MCTP1: variants seen among roughly 807,000 people sequenced by gnomAD.
The protein encoded by MCTP1 is multiple C2 and transmembrane domain containing 1, also known as multiple C2 and transmembrane domain-containing protein 1.
A neutral mutation model predicts 120.6 loss-of-function variants in MCTP1; 69 were observed. The ratio of observed to expected loss-of-function variants is 0.57; its 90% CI spans 0.47 to 0.70. MCTP1 has a LOEUF of 0.70. Ranked by LOEUF, MCTP1 falls within the 30% of genes least tolerant of loss-of-function variation. The probability of loss-of-function intolerance (pLI) is 0.00; values close to 1 mark genes in which losing one functional copy is unlikely to be tolerated. For missense variants in MCTP1, 1,203 were observed against 1,248.8 expected (o/e 0.96, Z 0.55); for synonymous variants, 529 against 493.1 (o/e 1.07, Z -0.96).
At chr5:94,833,060 A>C (rs571455248) in intron 17 of MCTP1, among the ~76,000 whole-genome samples, 2 of 152,316 alleles carry the variant, frequency 1.3e-5, no homozygotes, top group East Asian at 3.9e-4. Flanking sequence ...AGAGTTATAA[A>C]TATCTTTCAG....
At chr5:94,879,003 A>G (rs575815495) in intron 12 of MCTP1, among the ~76,000 whole-genome samples, 2 of 152,080 alleles carry the variant, frequency 1.3e-5, no homozygotes, top group South Asian at 4.2e-4. Context: ...AAGTGGAGAA[A>G]AGTAGAGAAA....
intron 17 of MCTP1, among the ~76,000 whole-genome samples, chr5:94,866,782 A>G (rs893711347): frequency 6.6e-6 from 1 of 151,848 alleles, no homozygotes; most frequent in African/African-American, 2.4e-5. Flanking sequence ...AATTGCAAAA[A>G]AAAGGCTGCC....
At position 94,870,990 on chromosome 5, in the gene MCTP1, T is replaced by G; in HGVS notation, c.2140-17A>C. On this transcript the variant is annotated splice_polypyrimidine_tract_variant and intron_variant, in intron 14 of 22. Coordinates refer to ENST00000515393, the MANE Select transcript of MCTP1 (RefSeq NM_024717.7). ...ATTTTGAATCTGCGGGAAAAGGACATGACAGCCGTCTGTCTCGCGGTCTCT... is the reference window on the plus strand; with the variant it reads ...ATTTTGAATCTGCGGGAAAAGGACAGGACAGCCGTCTGTCTCGCGGTCTCT... The G allele has an allele frequency of 6.3e-7, 1 of 1,599,744 alleles. No homozygotes were observed. The highest frequency in any genetic ancestry group is 8.6e-7 in the Non-Finnish European group (1 of 1,167,466).
Position 95,031,545 on chromosome 5 carries a change from C to A in MCTP1, c.721-14061G>T, listed in dbSNP as rs190115203. Reference sequence around the variant, plus strand: ...ACGTCCTCCTAAAAAAATTAAGTTTCATAAACAAAGGAGAAATAAAGTCTT... The same window carrying A: ...ACGTCCTCCTAAAAAAATTAAGTTTAATAAACAAAGGAGAAATAAAGTCTT... On this transcript the variant is annotated intron_variant, in intron 1 of 22. Transcript: ENST00000515393. Among the ~76,000 whole-genome samples the A allele has an allele frequency of 3.3e-5, 5 of 152,216 alleles. No homozygotes were observed. In the South Asian group the frequency reaches 6.2e-4, roughly 19 times the overall value.
At chr5:95,128,735 G>T (rs1036133017) in intron 1 of MCTP1, among the ~76,000 whole-genome samples, 4 of 152,202 alleles carry the variant, frequency 2.6e-5, no homozygotes, top group South Asian at 2.1e-4. Context: ...TTGGGTGAAT[G>T]AAAACATTCT....
At chr5:94,812,653 A>G (rs1339630620) in intron 17 of MCTP1, among the ~76,000 whole-genome samples, 2 of 151,916 alleles carry the variant, frequency 1.3e-5, no homozygotes, top group East Asian at 1.9e-4. Flanking sequence ...AGTCTTAGCT[A>G]CTTAGGAGGC....
chr5:95,252,062 G>GT (rs1757434623), intron 1 of MCTP1, among the ~76,000 whole-genome samples: 2 of 151,996 alleles, frequency 1.3e-5, no homozygotes, highest in Admixed American at 6.6e-5. Context: ...GAAAGAAATC[G>GT]TACCCTTTTT....
At chr5:95,213,424 A>G (rs1357738859) in intron 1 of MCTP1, among the ~76,000 whole-genome samples, 2 of 152,246 alleles carry the variant, frequency 1.3e-5, no homozygotes, top group Non-Finnish European at 2.9e-5. Context: ...ATATCGTGAA[A>G]ATGGCCATAC....
chr5:94,916,000 A>T (rs1809960339), intron 8 of MCTP1, among the ~76,000 whole-genome samples: 1 of 152,182 alleles, frequency 6.6e-6, no homozygotes, highest in African/African-American at 2.4e-5. Flanking sequence ...GGACCTGCAC[A>T]TAAGGCTAAG....
At chr5:94,856,029 A>C (rs1241858774) in intron 17 of MCTP1, among the ~76,000 whole-genome samples, 3 of 151,770 alleles carry the variant, frequency 2.0e-5, no homozygotes, top group Non-Finnish European at 3.0e-5. Context: ...TGAGAATCAA[A>C]TACATTTAGG....
intron 19 of MCTP1, among the ~76,000 whole-genome samples, chr5:94,745,523 C>T (rs1051255240): frequency 4.6e-5 from 7 of 151,984 alleles, no homozygotes; most frequent in South Asian, 2.1e-4. Context: ...GGCAGTTAGG[C>T]GATATGAAAG....
chr5:94,740,908 T>G (rs1226425529), intron 19 of MCTP1, among the ~76,000 whole-genome samples: 3 of 152,160 alleles, frequency 2.0e-5, no homozygotes, highest in African/African-American at 7.2e-5. Flanking sequence ...GAAGACTTCC[T>G]GGAGAAGGTG....
chr5:95,174,104 C>A (rs1282074186), intron 1 of MCTP1, among the ~76,000 whole-genome samples: 1 of 152,134 alleles, frequency 6.6e-6, no homozygotes, highest in Admixed American at 6.5e-5. Flanking sequence ...ACTGCTATTA[C>A]CTCTAGCACA....
At chr5:95,150,259 TCTTTA>T (rs530974807) in intron 1 of MCTP1, among the ~76,000 whole-genome samples, 4 of 152,376 alleles carry the variant, frequency 2.6e-5, no homozygotes, top group Non-Finnish European at 2.9e-5. Flanking sequence ...GTTATAAGCA[TCTTTA>T]CTTTATTCAC....
At chr5:94,958,940 T>C (rs1823409531) in intron 2 of MCTP1, among the ~76,000 whole-genome samples, 1 of 152,136 alleles carries the variant, frequency 6.6e-6, no homozygotes, top group Non-Finnish European at 1.5e-5. Flanking sequence ...ATCATCCTGA[T>C]ACCAAAACCT....
chr5:95,227,541 C>G (rs1283421273), intron 1 of MCTP1, among the ~76,000 whole-genome samples: 1 of 152,158 alleles, frequency 6.6e-6, no homozygotes, highest in Non-Finnish European at 1.5e-5. Context: ...CTGAGACAGA[C>G]TTGGTATTAG....
At chr5:95,096,114 T>G (rs1257649687) in intron 1 of MCTP1, among the ~76,000 whole-genome samples, 4 of 152,184 alleles carry the variant, frequency 2.6e-5, no homozygotes, top group African/African-American at 9.7e-5. Context: ...AAGTGCCAAA[T>G]TCAGCCAAAC....
intron 17 of MCTP1, among the ~76,000 whole-genome samples, chr5:94,840,720 AGT>A (rs1186449640): frequency 1.3e-5 from 2 of 152,206 alleles, no homozygotes; most frequent in Non-Finnish European, 2.9e-5. Context: ...CCTAAAATGG[AGT>A]TCTACCATGA....
intron 1 of MCTP1, among the ~76,000 whole-genome samples, chr5:95,129,424 T>A (rs1297133485): frequency 2.0e-5 from 3 of 152,212 alleles, no homozygotes; most frequent in African/African-American, 7.2e-5. Flanking sequence ...AAAGGGCACA[T>A]AGCAGAGCAT....
Sources: gnomAD v4.1 joint callset for allele counts (sites outside exome capture counted in the v4.1 genomes callset) on GRCh38, gnomAD v4.1.1 for gene constraint, MANE v1.5 for transcripts, NCBI Gene and HGNC (gene_info 2026-07-23, HGNC 2026-07-21) for gene names.